Variants in PRR16 observed in about 807,000 individuals in gnomAD.
PRR16 encodes the protein protein Largen.
Under a neutral mutation model 18.2 loss-of-function variants are expected in PRR16, and 6 were observed. The observed-to-expected ratio is 0.33, with a 90% confidence interval of 0.18 to 0.65. PRR16 has a LOEUF of 0.65. Ranked by LOEUF, PRR16 falls within the 30% of genes least tolerant of loss-of-function variation. PRR16 has a pLI of 0.74. For missense variants in PRR16, 412 were observed against 376.6 expected (o/e 1.09, Z -0.78); for synonymous variants, 151 against 147.8 (o/e 1.02, Z -0.16).
chr5:120,611,838 C>T (rs1439625240), intron 1 of PRR16, among the ~76,000 whole-genome samples: 3 of 152,140 alleles, frequency 2.0e-5, no homozygotes, highest in Non-Finnish European at 4.4e-5. Context: ...AGAAGAGGGC[C>T]ACCATTCTCC....
chr5:120,751,404 G>C, the PRR16 span, among the ~76,000 whole-genome samples: 1 of 152,108 alleles, frequency 6.6e-6, no homozygotes, highest in East Asian at 1.9e-4. Flanking sequence ...CATGTATCAA[G>C]AGCATTCCTC....
At chr5:120,572,897 C>T (rs182534624) in intron 1 of PRR16, among the ~76,000 whole-genome samples, 31 of 152,082 alleles carry the variant, frequency 2.0e-4, no homozygotes, top group South Asian at 6.2e-4. Flanking sequence ...CATTTTGGAA[C>T]GTGGAATTCA....
chr5:120,571,868 G>C (rs1240256693), intron 1 of PRR16, among the ~76,000 whole-genome samples: 1 of 152,164 alleles, frequency 6.6e-6, no homozygotes, highest in Non-Finnish European at 1.5e-5. Context: ...CTGATGGCTT[G>C]TCTATAGGAT....
chr5:120,586,500 C>A (rs927145989), intron 1 of PRR16, among the ~76,000 whole-genome samples: 1 of 151,858 alleles, frequency 6.6e-6, no homozygotes, highest in Non-Finnish European at 1.5e-5. Flanking sequence ...TTTCTAACAG[C>A]GTGTGCTTAC....
chr5:120,757,614 A>G, the PRR16 span, among the ~76,000 whole-genome samples: 13 of 152,048 alleles, frequency 8.5e-5, no homozygotes, highest in African/African-American at 2.9e-4. Context: ...TCGTTATTAT[A>G]TGATTATAAA....
chr5:120,697,914 G>A, the PRR16 span, among the ~76,000 whole-genome samples: 1 of 152,122 alleles, frequency 6.6e-6, no homozygotes, highest in Non-Finnish European at 1.5e-5. Flanking sequence ...AATGTCATCA[G>A]TTAAGGTGGG....
intron 1 of PRR16, among the ~76,000 whole-genome samples, chr5:120,521,615 T>C (rs928746214): frequency 2.6e-5 from 4 of 152,204 alleles, no homozygotes; most frequent in Non-Finnish European, 5.9e-5. Flanking sequence ...TTATCATATG[T>C]ATCACTTTAA....
the PRR16 span, among the ~76,000 whole-genome samples, chr5:120,718,661 G>C: frequency 6.6e-6 from 1 of 152,026 alleles, no homozygotes; most frequent in Non-Finnish European, 1.5e-5. Flanking sequence ...TACAATCCAT[G>C]GTTTCCCCTG....
intron 1 of PRR16, among the ~76,000 whole-genome samples, chr5:120,484,545 A>C (rs1386605759): frequency 6.9e-6 from 1 of 145,916 alleles, no homozygotes; most frequent in Non-Finnish European, 1.5e-5. Flanking sequence ...TATGTCATAT[A>C]TAATTATATA....
At chr5:120,530,592 T>C (rs1372976020) in intron 1 of PRR16, among the ~76,000 whole-genome samples, 2 of 152,058 alleles carry the variant, frequency 1.3e-5, no homozygotes, top group African/African-American at 4.8e-5. Flanking sequence ...AGATTAAGTG[T>C]GAGCGACTAG....
chr5:120,744,723 T>G, the PRR16 span, among the ~76,000 whole-genome samples: 5 of 152,210 alleles, frequency 3.3e-5, no homozygotes, highest in Admixed American at 3.3e-4. Context: ...GTATCATTAT[T>G]TTTGCATATA....
chr5:120,606,285 C>T (rs758384987), intron 1 of PRR16, among the ~76,000 whole-genome samples: 4 of 152,088 alleles, frequency 2.6e-5, no homozygotes, highest in Non-Finnish European at 4.4e-5. Context: ...CTCAGGACTC[C>T]CAGAGCTGAG....
Position 120,604,472 on chromosome 5 carries a change from G to A in PRR16, c.160-81482G>A, listed in dbSNP as rs1191420918. ...AGATGATATGGGTCTATTGAAGACA[G>A]CATACAGTTGGTCTTGCTTCTTTAT... On this transcript the variant is annotated intron_variant, in intron 1 of 1. Coordinates refer to ENST00000407149, the MANE Select transcript of PRR16 (RefSeq NM_001300783.2). Among the ~76,000 whole-genome samples, 3 of 152,112 alleles carry A rather than the reference G, an allele frequency of 2.0e-5. No homozygotes were observed. In the East Asian group the frequency reaches 5.8e-4, roughly 29 times the overall value.
At chr5:120,550,856 C>T (rs1266307823) in intron 1 of PRR16, among the ~76,000 whole-genome samples, 2 of 151,916 alleles carry the variant, frequency 1.3e-5, no homozygotes, top group Non-Finnish European at 2.9e-5. Context: ...ATTTTCATTC[C>T]TCTTTACCAG....
At chr5:120,544,309 C>T (rs187796674) in intron 1 of PRR16, among the ~76,000 whole-genome samples, 8 of 152,260 alleles carry the variant, frequency 5.3e-5, no homozygotes, top group Non-Finnish European at 1.0e-4. Context: ...TCACAATCTT[C>T]AAATGTTAGC....
the PRR16 span, among the ~76,000 whole-genome samples, chr5:120,711,851 G>A: frequency 2.0e-5 from 3 of 152,162 alleles, no homozygotes; most frequent in Non-Finnish European, 4.4e-5. Flanking sequence ...GGAGGGATAC[G>A]GGATTTACAG....
At chr5:120,619,315 A>T (rs905830490) in intron 1 of PRR16, among the ~76,000 whole-genome samples, 1 of 152,186 alleles carries the variant, frequency 6.6e-6, no homozygotes, top group African/African-American at 2.4e-5. Flanking sequence ...GTTCAGTTGA[A>T]TAAAAATGAT....
chr5:120,775,526 C>T, the PRR16 span, among the ~76,000 whole-genome samples: 1 of 152,050 alleles, frequency 6.6e-6, no homozygotes, highest in African/African-American at 2.4e-5. Context: ...TTAATAGTTT[C>T]CTAACCTGCT....
the PRR16 span, among the ~76,000 whole-genome samples, chr5:120,697,939 C>A: frequency 3.3e-5 from 5 of 152,142 alleles, no homozygotes; most frequent in African/African-American, 1.2e-4. Context: ...GGCATATTCA[C>A]TTCTTTTGTG....
Sources: allele counts gnomAD v4.1 joint callset (sites outside exome capture counted in the v4.1 genomes callset), GRCh38; gene constraint gnomAD v4.1.1; transcripts MANE v1.5; gene names NCBI Gene and HGNC (gene_info 2026-07-23, HGNC 2026-07-21).